KCNIP4: variants seen among roughly 807,000 people sequenced by gnomAD.
The protein encoded by KCNIP4 is Kv channel-interacting protein 4.
In KCNIP4, 12 loss-of-function variants were observed where a neutral mutation model predicts 34.0. The ratio of observed to expected loss-of-function variants is 0.35; its 90% CI spans 0.23 to 0.57. The LOEUF is 0.57. Ranked by LOEUF, KCNIP4 falls within the 20% of genes least tolerant of loss-of-function variation. The probability of loss-of-function intolerance (pLI) is 0.83; values close to 1 mark genes in which losing one functional copy is unlikely to be tolerated. For synonymous variants in KCNIP4, 124 were observed against 102.2 expected (o/e 1.21, Z -1.29); for missense variants, 238 against 311.7 (o/e 0.76, Z 1.78).
chr4:20,845,305 C>A (rs931760138), intron 3 of KCNIP4, among the ~76,000 whole-genome samples: 1 of 152,086 alleles, frequency 6.6e-6, no homozygotes, highest in Non-Finnish European at 1.5e-5. Context: ...GATTAGGTAA[C>A]CCTGCGACAT....
chr4:21,353,813 C>T (rs972521133), intron 1 of KCNIP4, among the ~76,000 whole-genome samples: 3 of 152,052 alleles, frequency 2.0e-5, no homozygotes, highest in African/African-American at 2.4e-5. Context: ...CAAAGATACG[C>T]CTTGAGAAGA....
chr4:21,325,374 A>T (rs918480005), intron 1 of KCNIP4, among the ~76,000 whole-genome samples: 1 of 151,634 alleles, frequency 6.6e-6, no homozygotes, highest in African/African-American at 2.4e-5. Context: ...TAGGTTTTCC[A>T]ATTTATTGGT....
intron 5 of KCNIP4, among the ~76,000 whole-genome samples, chr4:20,746,736 G>A (rs775018438): frequency 2.6e-5 from 4 of 152,096 alleles, no homozygotes; most frequent in African/African-American, 7.2e-5. Context: ...TCTCAGAGCC[G>A]CTGGGTGGCA....
At chr4:21,409,796 C>T (rs748436486) in intron 1 of KCNIP4, among the ~76,000 whole-genome samples, 1 of 152,062 alleles carries the variant, frequency 6.6e-6, no homozygotes, top group Non-Finnish European at 1.5e-5. Context: ...CTGAGGGGAC[C>T]ATGCATGACA....
chr4:21,686,225 C>G (rs899388544), intron 1 of KCNIP4, among the ~76,000 whole-genome samples: 1 of 152,058 alleles, frequency 6.6e-6, no homozygotes, highest in African/African-American at 2.4e-5. Context: ...TAATATTGAG[C>G]TCGGAAGATT....
intron 1 of KCNIP4, among the ~76,000 whole-genome samples, chr4:21,082,865 T>TTCTATCTA (rs71182707): frequency 0.21 from 30,867 of 147,496 alleles, 3,429 homozygotes; most frequent in East Asian, 0.27. Context: ...TGCCAGGTTA[T>TTCTATCTA]TCTATCTATC....
At chr4:21,611,390 C>G (rs1044880122) in intron 1 of KCNIP4, among the ~76,000 whole-genome samples, 1 of 152,106 alleles carries the variant, frequency 6.6e-6, no homozygotes, top group African/African-American at 2.4e-5. Flanking sequence ...AACTCACTCA[C>G]CATCTCAAGA....
At chr4:21,286,786 GA>G (rs1007405570) in intron 1 of KCNIP4, among the ~76,000 whole-genome samples, 2 of 152,142 alleles carry the variant, frequency 1.3e-5, no homozygotes, top group East Asian at 1.9e-4. Flanking sequence ...AAAACGAAAA[GA>G]AAAGACAAAT....
At chr4:20,812,396 G>A (rs961322600) in intron 3 of KCNIP4, among the ~76,000 whole-genome samples, 1 of 152,104 alleles carries the variant, frequency 6.6e-6, no homozygotes, top group Non-Finnish European at 1.5e-5. Context: ...ATGGCTACAC[G>A]ATACCTTTGA....
At chr4:21,562,832 A>T (rs1000945431) in intron 1 of KCNIP4, among the ~76,000 whole-genome samples, 7 of 151,980 alleles carry the variant, frequency 4.6e-5, no homozygotes, top group Non-Finnish European at 1.0e-4. Flanking sequence ...GTGACCTAAA[A>T]ATTATTTCAA....
intron 1 of KCNIP4, among the ~76,000 whole-genome samples, chr4:21,330,587 AAAT>A (rs1560296242): frequency 2.0e-5 from 3 of 152,166 alleles, no homozygotes; most frequent in Admixed American, 6.5e-5. Context: ...GTCAATGAGA[AAAT>A]AATAAATAAT....
chr4:21,048,944 C>CTTTTTTTTTTTTTTT (rs949548104), intron 1 of KCNIP4, among the ~76,000 whole-genome samples: 1 of 96,050 alleles, frequency 1.0e-5, no homozygotes, highest in African/African-American at 4.2e-5. Flanking sequence ...TTCTGTTTAT[C>CTTTTTTTTTTTTTTT]TTTTTTTTTT....
rs148392153 is a variant in KCNIP4, at chr4:21,126,575, G to A, written c.62-243866C>T. On this transcript the variant is annotated intron_variant, in intron 1 of 8. Transcript: ENST00000382152. ...ACACAAAATTCAACTTTTTGACAAT[G>A]AATATTTATCAATATCAACTTTGTT... Among the ~76,000 whole-genome samples the A allele has an allele frequency of 8.2e-3, 1,011 of 123,520 alleles. 14 individuals carry two copies. Among genetic ancestry groups the A allele is most frequent in the African/African-American group, 0.031 (957 of 30,476 alleles). 81.0% of individuals were successfully genotyped at this position (123,520 alleles called of 152,430 possible).
intron 1 of KCNIP4, among the ~76,000 whole-genome samples, chr4:21,741,355 C>T (rs1273678550): frequency 7.9e-5 from 12 of 152,158 alleles, no homozygotes; most frequent in Admixed American, 7.9e-4. Context: ...AAACAACTAA[C>T]AGAATGGACG....
At chr4:20,940,475 G>A (rs79542288) in intron 1 of KCNIP4, among the ~76,000 whole-genome samples, 5,467 of 152,028 alleles carry the variant, frequency 0.036, 161 homozygotes, top group Admixed American at 0.073. Flanking sequence ...ATTTTCTTTC[G>A]TTCATGAAAA....
chr4:21,000,022 TGTGA>T (rs1462396110), intron 1 of KCNIP4, among the ~76,000 whole-genome samples: 5 of 152,170 alleles, frequency 3.3e-5, no homozygotes, highest in African/African-American at 1.2e-4. Flanking sequence ...ATATGTGCCA[TGTGA>T]GTGTTTGTTC....
At chr4:21,517,773 G>T (rs541619511) in intron 1 of KCNIP4, among the ~76,000 whole-genome samples, 21 of 152,240 alleles carry the variant, frequency 1.4e-4, no homozygotes, top group African/African-American at 4.8e-4. Context: ...TTAACAAAAG[G>T]TTAAAGAAAC....
chr4:21,812,032 A>G (rs960892694), intron 1 of KCNIP4, among the ~76,000 whole-genome samples: 2 of 152,248 alleles, frequency 1.3e-5, no homozygotes, highest in Admixed American at 1.3e-4. Flanking sequence ...TGTGCTGGAT[A>G]AATTCATACA....
At position 21,169,780 on chromosome 4, in the gene KCNIP4, G is replaced by A. The variant is rs145969075; in HGVS notation, c.62-287071C>T. Among the ~76,000 whole-genome samples the A allele has an allele frequency of 3.8e-4, 57 of 151,286 alleles. No homozygotes were observed. The East Asian group carries it at 6.7e-3, about 18-fold the overall frequency. ...GAACAGAAGGACATCAGAATGGTTC[G>A]TCCCAATTAGTACTCAAACACTCCC... On this transcript the variant is annotated intron_variant, in intron 1 of 8. Transcript: ENST00000382152.
Sources: gnomAD v4.1 joint callset for allele counts (sites outside exome capture counted in the v4.1 genomes callset) on GRCh38, gnomAD v4.1.1 for gene constraint, MANE v1.5 for transcripts, NCBI Gene and HGNC (gene_info 2026-07-23, HGNC 2026-07-21) for gene names.